Variants in LUZP1 observed in about 807,000 individuals in gnomAD.
LUZP1 encodes filamin mechanobinding actin cross-linking protein.
LUZP1 carries 25 observed loss-of-function variants against 71.3 expected under a neutral mutation model. The ratio of observed to expected loss-of-function variants is 0.35; its 90% confidence interval spans 0.26 to 0.49. LUZP1 has a LOEUF of 0.49. LUZP1 is among the 20% of genes least tolerant of loss of function. The pLI, the probability that LUZP1 is intolerant of heterozygous loss-of-function variation, is 0.99. For synonymous variants in LUZP1, 481 were observed against 506.4 expected, an observed-to-expected ratio of 0.95 and a Z score of 0.67; for missense variants, 1,142 against 1,300.8, an observed-to-expected ratio of 0.88 and a Z score of 1.88.
chr1:23,160,593 G>A (rs1306934426), intron 2 of LUZP1, among the ~76,000 whole-genome samples: 2 of 152,046 alleles, frequency 1.3e-5, no homozygotes, highest in South Asian at 2.1e-4. Context: ...TACTAAGCAG[G>A]ATTCTAATAA....
intron 4 of LUZP1, 82 bp from the exon 4 acceptor site, chr1:23,089,135 T>A: frequency 7.2e-7 from 1 of 1,393,062 alleles, no homozygotes; most frequent in Non-Finnish European, 1.0e-6. Context: ...CCATAGTGGG[T>A]CCTTTCCAAC....
At chr1:23,105,856 G>A (rs1476055513) in intron 3 of LUZP1, among the ~76,000 whole-genome samples, 1 of 151,824 alleles carries the variant, frequency 6.6e-6, no homozygotes, top group Non-Finnish European at 1.5e-5. Flanking sequence ...TCCAAAGCCA[G>A]GTAAAATTTT....
chr1:23,113,601 G>A (rs1009554539), intron 2 of LUZP1, among the ~76,000 whole-genome samples: 1 of 150,308 alleles, frequency 6.7e-6, no homozygotes, highest in South Asian at 2.1e-4. Flanking sequence ...TATGCTCAAG[G>A]CCGGACACGG....
At chr1:23,115,388 C>G (rs1312805616) in intron 2 of LUZP1, among the ~76,000 whole-genome samples, 1 of 152,174 alleles carries the variant, frequency 6.6e-6, no homozygotes, top group Non-Finnish European at 1.5e-5. Flanking sequence ...GCCAAAGAAA[C>G]CTTACCAAAG....
intron 3 of LUZP1, among the ~76,000 whole-genome samples, chr1:23,103,905 G>A (rs184293977): frequency 6.3e-5 from 2 of 31,756 alleles, no homozygotes; most frequent in South Asian, 2.0e-3. Context: ...GGAGGGAGGG[G>A]GGAAGGAGGG....
intron 2 of LUZP1, among the ~76,000 whole-genome samples, chr1:23,127,554 C>T (rs1219544645): frequency 1.3e-5 from 2 of 152,122 alleles, no homozygotes; most frequent in East Asian, 1.9e-4. Context: ...GACGGAGTCT[C>T]GCTCTGTGGC....
chr1:23,108,320 AAAT>A (rs1275289856), intron 3 of LUZP1, among the ~76,000 whole-genome samples: 3 of 152,236 alleles, frequency 2.0e-5, no homozygotes, highest in Admixed American at 2.0e-4. Flanking sequence ...AGTGTAATGA[AAAT>A]AACCCACTAG....
At chr1:23,157,976 C>T (rs180887462) in intron 2 of LUZP1, among the ~76,000 whole-genome samples, 40 of 151,954 alleles carry the variant, frequency 2.6e-4, no homozygotes, top group Admixed American at 7.9e-4. Context: ...TGAGCCACCG[C>T]ACTCCAGCCT....
exon 5 of LUZP1, chr1:23,086,259 T>C (rs1643763374): frequency 6.6e-6 from 1 of 152,642 alleles, no homozygotes; most frequent in African/African-American, 2.4e-5. Flanking sequence ...TTACTTGCTA[T>C]TACAATGTTA....
In LUZP1 at chr1:23,093,080, A is replaced by T. The variant is rs1643872637; in HGVS notation, c.1182T>A (p.Ser394=). Residue 394 remains serine, a synonymous_variant, in exon 4 of 5, where the codon TCT becomes TCA. Coordinates refer to ENST00000302291, the Ensembl canonical transcript of LUZP1. This position sits in a 1 kb window ranked among gnomAD's most constrained non-coding sequence, Gnocchi z 4.2. Reference sequence around the variant, plus strand: ...GGAGTCGTTCCCGCTTATGCTGAGGAGACAGTTCCCGCGCTGTGTGCTTGG... The same window carrying T: ...GGAGTCGTTCCCGCTTATGCTGAGGTGACAGTTCCCGCGCTGTGTGCTTGG... 3.1e-6 allele frequency: 5 copies of T among 1,614,114 alleles called. No individual in the cohort carries two copies. The Admixed American group carries it at 6.7e-5, about 22-fold the overall frequency.
At chr1:23,122,503 A>AGGCCCCCT (rs1388932032) in intron 2 of LUZP1, among the ~76,000 whole-genome samples, 2 of 152,172 alleles carry the variant, frequency 1.3e-5, no homozygotes, top group African/African-American at 4.8e-5. Flanking sequence ...CCCCATTACC[A>AGGCCCCCT]ACGCCCTGAA....
At position 23,113,886 on chromosome 1, in the gene LUZP1, G is replaced by GA. The variant is rs933230247; in HGVS notation, c.-225-4760dup. ...AGAACGAGACTCCGTCTCAAAAAAAGAAAAAAAAAAAAGAAAATATGCTCA... is the reference window on the plus strand; with the variant it reads ...AGAACGAGACTCCGTCTCAAAAAAAGAAAAAAAAAAAAAGAAAATATGCTCA... On this transcript the variant is annotated intron_variant, in intron 2 of 4. Coordinates refer to ENST00000302291, the Ensembl canonical transcript of LUZP1. Among the ~76,000 whole-genome samples, 289 of 87,084 alleles carry GA rather than the reference G, an allele frequency of 3.3e-3. 2 individuals are homozygous for GA. Among genetic ancestry groups the GA allele is most frequent in the Admixed American group, 4.7e-3 (39 of 8,266 alleles). The allele number at this position is 87,084 out of a possible 152,430, so 57.1% of individuals were successfully genotyped here.
intron 2 of LUZP1, among the ~76,000 whole-genome samples, chr1:23,126,857 C>A (rs769815154): frequency 2.0e-5 from 3 of 152,146 alleles, no homozygotes; most frequent in Non-Finnish European, 4.4e-5. Flanking sequence ...CAATTTCTCC[C>A]GCAACTGAAC....
At chr1:23,134,060 G>C (rs1644235094) in intron 2 of LUZP1, among the ~76,000 whole-genome samples, 2 of 152,194 alleles carry the variant, frequency 1.3e-5, no homozygotes, top group Admixed American at 1.3e-4. Flanking sequence ...TAGGAACACA[G>C]CAACGCCCAT....
intron 3 of LUZP1, among the ~76,000 whole-genome samples, chr1:23,096,652 A>G (rs1354788434): frequency 6.6e-6 from 1 of 152,208 alleles, no homozygotes; most frequent in Admixed American, 6.5e-5. Flanking sequence ...TGCTGCTGTA[A>G]TAAAATACCT....
intron 2 of LUZP1, among the ~76,000 whole-genome samples, chr1:23,147,612 CA>C (rs774893320): frequency 2.2e-3 from 138 of 61,470 alleles, no homozygotes; most frequent in Middle Eastern, 0.012. Flanking sequence ...AGTCTCTACC[CA>C]AAAAAAAAAA....
intron 2 of LUZP1, among the ~76,000 whole-genome samples, chr1:23,117,512 G>C (rs1290355978): frequency 2.8e-5 from 2 of 72,164 alleles, no homozygotes; most frequent in Non-Finnish European, 5.2e-5. Context: ...AGCCCTGGGG[G>C]GGGGGGCGGG....
chr1:23,177,105 G>T (rs1322791657), intron 1 of LUZP1, among the ~76,000 whole-genome samples: 1 of 151,916 alleles, frequency 6.6e-6, no homozygotes, highest in Non-Finnish European at 1.5e-5. Flanking sequence ...TTCCCAGGCT[G>T]GTCTCAAACT....
In LUZP1 at chr1:23,092,616, C is replaced by T. The variant is rs751733328; in HGVS notation, c.1646G>A (p.Gly549Glu). ...GTTTGCAGCCTGAGTTACTTGACTT[C>T]CGTTGCCAAGCACGTGTCCCCTCTT... Residue 549 changes from glycine to glutamate, a missense_variant, in exon 4 of 5, where the codon GGA (glycine) becomes GAA (glutamate). Transcript: ENST00000302291. The T allele has an allele frequency of 1.3e-5, 21 of 1,614,070 alleles. No homozygotes were observed. The Admixed American group carries it at 3.0e-4, about 23-fold the overall frequency.
Sources: gnomAD v4.1 joint callset for allele counts (sites outside exome capture counted in the v4.1 genomes callset) on GRCh38, gnomAD v4.1.1 for gene constraint, Gnocchi (gnomAD v3.1) non-coding constraint, MANE v1.5 for transcripts, NCBI Gene and HGNC (gene_info 2026-07-23, HGNC 2026-07-21) for gene names.